PDE10A: variants seen among roughly 807,000 people sequenced by gnomAD.
PDE10A encodes the protein phosphodiesterase 10A.
A neutral mutation model predicts 97.7 loss-of-function variants in PDE10A; 39 were observed. That is an observed-to-expected ratio of 0.40 (90% confidence interval 0.31 to 0.52). PDE10A has a LOEUF of 0.52. Among genes scored for constraint, PDE10A ranks in the 20% least tolerant of loss-of-function variants. The pLI, the probability that PDE10A is intolerant of heterozygous loss-of-function variation, is 0.56. For synonymous variants in PDE10A, 371 were observed against 376.8 expected (o/e 0.98, Z 0.18); for missense variants, 731 against 1,047.8 (o/e 0.70, Z 4.17).
At chr6:165,504,805 C>T (rs1227300109) in intron 2 of PDE10A, among the ~76,000 whole-genome samples, 1 of 152,056 alleles carries the variant, frequency 6.6e-6, no homozygotes, top group African/African-American at 2.4e-5. Context: ...AACATAAATT[C>T]CAGCCTCCTC....
intron 1 of PDE10A, among the ~76,000 whole-genome samples, chr6:165,853,130 A>G (rs1780619176): frequency 6.6e-6 from 1 of 152,122 alleles, no homozygotes; most frequent in Non-Finnish European, 1.5e-5. Context: ...GCGTTTATCA[A>G]CTTCTCCACA....
At chr6:165,972,741 A>T (rs563025209) in intron 1 of PDE10A, among the ~76,000 whole-genome samples, 1 of 152,324 alleles carries the variant, frequency 6.6e-6, no homozygotes, top group East Asian at 1.9e-4. Context: ...AATTAATTAA[A>T]TATTGTATTA....
intron 2 of PDE10A, among the ~76,000 whole-genome samples, chr6:165,504,277 C>G (rs1022192740): frequency 6.6e-6 from 1 of 152,058 alleles, no homozygotes; most frequent in African/African-American, 2.4e-5. Flanking sequence ...TAGAGCTCAG[C>G]ATTATGATCT....
At chr6:165,507,981 A>G (rs1399415013) in intron 2 of PDE10A, among the ~76,000 whole-genome samples, 1 of 152,258 alleles carries the variant, frequency 6.6e-6, no homozygotes, top group East Asian at 1.9e-4. Context: ...GATATATTTC[A>G]AGGAATATTT....
intron 1 of PDE10A, among the ~76,000 whole-genome samples, chr6:165,975,711 T>C (rs1270353618): frequency 2.0e-5 from 3 of 152,268 alleles, no homozygotes; most frequent in Admixed American, 2.0e-4. Context: ...CTATGCCTGT[T>C]CCTGAGACAC....
At chr6:165,860,704 C>T (rs551391463) in intron 1 of PDE10A, among the ~76,000 whole-genome samples, 4 of 152,300 alleles carry the variant, frequency 2.6e-5, no homozygotes, top group East Asian at 3.9e-4. Flanking sequence ...TTTGCAAATA[C>T]GGAACCTGTG....
intron 5 of PDE10A, among the ~76,000 whole-genome samples, chr6:165,441,238 A>G (rs563894090): frequency 9.1e-4 from 139 of 152,262 alleles, no homozygotes; most frequent in African/African-American, 2.9e-3. Flanking sequence ...CTGCAGCCCC[A>G]TCGAATTCAT....
intron 17 of PDE10A, among the ~76,000 whole-genome samples, chr6:165,382,150 G>A (rs562366972): frequency 2.4e-4 from 37 of 152,306 alleles, no homozygotes; most frequent in African/African-American, 7.9e-4. Context: ...CTGGTTGTAT[G>A]TAAATGCTGT....
chr6:165,375,672 AGAG>A (rs1162929650), intron 18 of PDE10A, among the ~76,000 whole-genome samples: 2 of 152,224 alleles, frequency 1.3e-5, no homozygotes, highest in African/African-American at 2.4e-5. Context: ...TGATATCTAG[AGAG>A]GAGAAGTCAA....
intron 1 of PDE10A, among the ~76,000 whole-genome samples, chr6:165,652,815 C>CT (rs1443531153): frequency 8.5e-5 from 13 of 152,216 alleles, no homozygotes; most frequent in Admixed American, 8.5e-4. Flanking sequence ...ATAAGCAACA[C>CT]TTTCACTTTG....
intron 7 of PDE10A, 45 bp downstream of exon 7, chr6:165,432,929 T>G: frequency 6.8e-7 from 1 of 1,474,632 alleles, no homozygotes; most frequent in African/African-American, 1.4e-5. Flanking sequence ...TTCAATGAGC[T>G]AGGTACAACT....
At chr6:165,471,291 C>T (rs548299397) in intron 3 of PDE10A, among the ~76,000 whole-genome samples, 30 of 152,222 alleles carry the variant, frequency 2.0e-4, no homozygotes, top group East Asian at 1.2e-3. Context: ...AAGTCTCAGG[C>T]TTCTAAATGT....
intron 1 of PDE10A, among the ~76,000 whole-genome samples, chr6:165,912,356 C>A (rs770557148): frequency 6.6e-6 from 1 of 152,192 alleles, no homozygotes; most frequent in African/African-American, 2.4e-5. Context: ...CACATTAACA[C>A]CCGCAGTGTT....
At chr6:165,822,615 TAA>T (rs34504537) in intron 1 of PDE10A, among the ~76,000 whole-genome samples, 57 of 144,850 alleles carry the variant, frequency 3.9e-4, no homozygotes, top group Admixed American at 6.8e-4. Context: ...GGTATAAGCT[TAA>T]AAAAAAAAAA....
chr6:165,800,859 C>A (rs759991498), intron 1 of PDE10A, among the ~76,000 whole-genome samples: 1 of 152,140 alleles, frequency 6.6e-6, no homozygotes, highest in African/African-American at 2.4e-5. Flanking sequence ...AGAGAGGGCA[C>A]GGAGGAGACA....
chr6:165,852,640 A>T (rs1780602494), intron 1 of PDE10A, among the ~76,000 whole-genome samples: 1 of 152,202 alleles, frequency 6.6e-6, no homozygotes, highest in Admixed American at 6.5e-5. Flanking sequence ...GGAGAAGCAC[A>T]CTGTGAGCAA....
chr6:165,919,713 C>T (rs1414401804), intron 1 of PDE10A, among the ~76,000 whole-genome samples: 1 of 152,222 alleles, frequency 6.6e-6, no homozygotes, highest in East Asian at 1.9e-4. Context: ...TTTGCCAACC[C>T]AAGCAAACCA....
intron 2 of PDE10A, among the ~76,000 whole-genome samples, chr6:165,502,853 G>A (rs1201435489): frequency 6.6e-6 from 1 of 152,162 alleles, no homozygotes; most frequent in Admixed American, 6.5e-5. Flanking sequence ...GGAGGGTGTA[G>A]GAGGGAACAT....
intron 18 of PDE10A, among the ~76,000 whole-genome samples, chr6:165,363,023 TA>T (rs34008162): frequency 0.16 from 24,110 of 151,834 alleles, 2,107 homozygotes; most frequent in Admixed American, 0.2. Flanking sequence ...CCATTCACAA[TA>T]AAAAAAATAA....
Sources: allele counts gnomAD v4.1 joint callset (sites outside exome capture counted in the v4.1 genomes callset), GRCh38; gene constraint gnomAD v4.1.1; transcripts MANE v1.5; gene names NCBI Gene and HGNC (gene_info 2026-07-23, HGNC 2026-07-21).